The following ADCK1 variants were observed in gnomAD, a reference collection of about 807,000 sequenced individuals.
The protein encoded by ADCK1 is aarF domain-containing protein kinase 1.
Under a neutral mutation model 52.3 loss-of-function variants are expected in ADCK1, and 41 were observed. That is an observed-to-expected ratio of 0.78 (90% CI 0.61 to 1.02). ADCK1 has a LOEUF of 1.02. Among genes scored for constraint, ADCK1 ranks in the 50% least tolerant of loss-of-function variants. ADCK1 has a pLI of 0.00. For synonymous variants in ADCK1, 250 were observed against 274.6 expected (o/e 0.91, Z 0.89); for missense variants, 658 against 679.5 (o/e 0.97, Z 0.35).
chr14:77,874,347 C>T (rs778124599), intron 4 of ADCK1, among the ~76,000 whole-genome samples: 1 of 152,202 alleles, frequency 6.6e-6, no homozygotes, highest in African/African-American at 2.4e-5. Flanking sequence ...TTCTTGGAAT[C>T]TGCAAATAGG....
chr14:77,914,163 C>T (rs1277608718), intron 7 of ADCK1, among the ~76,000 whole-genome samples: 1 of 152,168 alleles, frequency 6.6e-6, no homozygotes, highest in Non-Finnish European at 1.5e-5. Flanking sequence ...CTGTTGCCAG[C>T]TTAGGGGTCC....
Position 77,915,334 on chromosome 14 carries a change from TC to T in ADCK1, c.858+7421del, listed in dbSNP as rs577762445. 2.5e-3 allele frequency among the ~76,000 whole-genome samples: 103 copies of T among 40,700 alleles called. 4 individuals are homozygous for T. The South Asian group carries it at 0.089, about 35-fold the overall frequency. 26.7% of individuals were successfully genotyped at this position (40,700 alleles called of 152,430 possible). On this transcript the variant is annotated intron_variant, in intron 7 of 10. Transcript: ENST00000238561. Reference sequence around the variant, plus strand: ...ATCTCCTAATGCTATCCCTCCCCCCTCCCCCCTACCCCCAGCCTACAACAGG... The same window carrying T: ...ATCTCCTAATGCTATCCCTCCCCCCTCCCCCTACCCCCAGCCTACAACAGG...
chr14:77,838,867 A>T (rs1039650499), intron 3 of ADCK1, among the ~76,000 whole-genome samples: 2 of 152,220 alleles, frequency 1.3e-5, no homozygotes, highest in South Asian at 4.1e-4. Context: ...ACTATGTTCC[A>T]GGCACTGTGT....
chr14:77,864,590 G>A (rs2082622662), intron 4 of ADCK1, among the ~76,000 whole-genome samples: 1 of 152,066 alleles, frequency 6.6e-6, no homozygotes, highest in African/African-American at 2.4e-5. Context: ...TTTCATTCCT[G>A]TGTAACTCAG....
chr14:77,877,360 G>T (rs1292352522), intron 4 of ADCK1, among the ~76,000 whole-genome samples: 2 of 152,266 alleles, frequency 1.3e-5, no homozygotes, highest in African/African-American at 4.8e-5. Flanking sequence ...TGGAGCTGCT[G>T]TAAGTGAAGA....
intron 6 of ADCK1, among the ~76,000 whole-genome samples, chr14:77,907,224 G>GTT (rs1349739200): frequency 6.6e-6 from 1 of 152,152 alleles, no homozygotes; most frequent in Non-Finnish European, 1.5e-5. Context: ...CCAGTATTTA[G>GTT]TTTTTTTCAT....
At chr14:77,863,454 A>G (rs2140147257) in intron 4 of ADCK1, among the ~76,000 whole-genome samples, 1 of 151,860 alleles carries the variant, frequency 6.6e-6, no homozygotes, top group African/African-American at 2.4e-5. Flanking sequence ...GGTCATGCAC[A>G]CACATACACA....
chr14:77,933,439 C>A lies in ADCK1; in HGVS notation c.*48C>A, dbSNP rs564230617. ...ATTCTGGTGTCTTTCCACTCCTCAG[C>A]CCCTCATCTTGCCTCCACCCAGCTG... On this transcript the variant is annotated 3_prime_UTR_variant, in exon 11 of 11. Transcript: ENST00000238561. The A allele has an allele frequency of 6.3e-7, 1 of 1,599,176 alleles. No homozygotes were observed. Among genetic ancestry groups the A allele is most frequent in the African/African-American group, 1.3e-5 (1 of 74,752 alleles).
intron 3 of ADCK1, among the ~76,000 whole-genome samples, chr14:77,823,934 T>G (rs1223075460): frequency 2.0e-5 from 3 of 151,890 alleles, no homozygotes; most frequent in Non-Finnish European, 4.4e-5. Flanking sequence ...AGTCTTACTC[T>G]TTGGCCCAGG....
intron 5 of ADCK1, among the ~76,000 whole-genome samples, chr14:77,895,528 G>T (rs1383471553): frequency 6.6e-6 from 1 of 152,120 alleles, no homozygotes; most frequent in Non-Finnish European, 1.5e-5. Flanking sequence ...GATGCATTTT[G>T]GGAGAAAAAT....
intron 1 of ADCK1, among the ~76,000 whole-genome samples, chr14:77,814,218 A>G (rs1301716408): frequency 4.6e-5 from 7 of 151,972 alleles, no homozygotes; most frequent in African/African-American, 7.3e-5. Flanking sequence ...AGCTAGGACA[A>G]CAGGTGCATG....
At chr14:77,817,779 A>G (rs1447337687) in intron 1 of ADCK1, among the ~76,000 whole-genome samples, 1 of 150,676 alleles carries the variant, frequency 6.6e-6, no homozygotes, top group Admixed American at 6.6e-5. Flanking sequence ...TCTGTCACCC[A>G]GGCTGGAGTG....
chr14:77,933,630 A>G lies in ADCK1; in HGVS notation c.*239A>G, dbSNP rs549587553. On this transcript the variant is annotated 3_prime_UTR_variant, in exon 11 of 11. Transcript: ENST00000238561. ...CTTCTCCAAGAAGACTCAGCAGCCTACATTCCCATTCCTGGTATGTGCCAT... is the reference window on the plus strand; with the variant it reads ...CTTCTCCAAGAAGACTCAGCAGCCTGCATTCCCATTCCTGGTATGTGCCAT... 582 of 507,062 alleles carry G rather than the reference A, an allele frequency of 1.1e-3. 4 individuals carry two copies. Among genetic ancestry groups the G allele is most frequent in the Non-Finnish European group, 1.7e-3 (482 of 285,352 alleles). 31.4% of individuals were successfully genotyped at this position (507,062 alleles called of 1,614,324 possible). A position where few individuals can be genotyped will look rare whatever the true frequency, so the allele number is the denominator to read the frequency against.
intron 3 of ADCK1, among the ~76,000 whole-genome samples, chr14:77,854,179 T>G (rs1188528874): frequency 6.6e-6 from 1 of 152,222 alleles, no homozygotes; most frequent in Non-Finnish European, 1.5e-5. Context: ...CTTGCCATTT[T>G]CTAAGATGGA....
intron 3 of ADCK1, among the ~76,000 whole-genome samples, chr14:77,841,169 C>T (rs2082057993): frequency 6.6e-6 from 1 of 152,164 alleles, no homozygotes; most frequent in Admixed American, 6.5e-5. Context: ...GAGAGGGAAA[C>T]TGCAAGCCTA....
At position 77,842,707 on chromosome 14, in the gene ADCK1, C is replaced by T. The variant is rs757826566; in HGVS notation, c.220-16369C>T. Among the ~76,000 whole-genome samples the T allele has an allele frequency of 3.3e-5, 5 of 151,820 alleles. 1 individual carries two copies. The highest frequency in any genetic ancestry group is 7.2e-5 in the African/African-American group (3 of 41,420). On this transcript the variant is annotated intron_variant, in intron 3 of 10. Coordinates refer to ENST00000238561, the MANE Select transcript of ADCK1 (RefSeq NM_020421.4). ...CTGGGATTACAGGCATGCACCACCA[C>T]GCCCAGCTAATTTTTGTATTTTTAG...
chr14:77,915,714 A>T (rs565070704), intron 7 of ADCK1, among the ~76,000 whole-genome samples: 1 of 152,322 alleles, frequency 6.6e-6, no homozygotes, highest in East Asian at 1.9e-4. Context: ...GTCCAGGTGT[A>T]TGAGATGAGT....
chr14:77,917,711 C>T (rs2083957704), intron 7 of ADCK1, among the ~76,000 whole-genome samples: 1 of 152,058 alleles, frequency 6.6e-6, no homozygotes, highest in Non-Finnish European at 1.5e-5. Flanking sequence ...TAAAAGATTT[C>T]TCATTGACTT....
chr14:77,804,710 CAG>C (rs2081182703), intron 1 of ADCK1, among the ~76,000 whole-genome samples: 1 of 152,176 alleles, frequency 6.6e-6, no homozygotes, highest in South Asian at 2.1e-4. Context: ...GCACAGGTCT[CAG>C]GCCTCACTGG....
Sources: gnomAD v4.1 joint callset for allele counts (sites outside exome capture counted in the v4.1 genomes callset) on GRCh38, gnomAD v4.1.1 for gene constraint, MANE v1.5 for transcripts, NCBI Gene and HGNC (gene_info 2026-07-23, HGNC 2026-07-21) for gene names.